Variants in TRPM3 observed in about 807,000 individuals in gnomAD.
The protein encoded by TRPM3 is long transient receptor potential channel 3.
A neutral mutation model predicts 181.2 loss-of-function variants in TRPM3; 77 were observed. The ratio of observed to expected loss-of-function variants is 0.42; its 90% CI spans 0.35 to 0.51. The LOEUF (loss-of-function observed/expected upper bound fraction) is 0.51, where lower values mean the gene tolerates loss of function less well. TRPM3 is among the 20% of genes least tolerant of loss of function. The probability of loss-of-function intolerance (pLI) is 0.01; values close to 1 mark genes in which losing one functional copy is unlikely to be tolerated. For synonymous variants in TRPM3, 745 were observed against 796.4 expected, an observed-to-expected ratio of 0.94 and a Z score of 1.09; for missense variants, 1,759 against 2,196.7, an observed-to-expected ratio of 0.80 and a Z score of 3.98.
chr9:70,619,587 A>T (rs1294590842), intron 16 of TRPM3, among the ~76,000 whole-genome samples: 5 of 146,306 alleles, frequency 3.4e-5, no homozygotes, highest in Non-Finnish European at 6.0e-5. Flanking sequence ...CTAATTTTTA[A>T]TTTTTTTTTT....
chr9:71,260,863 A>T (rs1024368428), intron 1 of TRPM3, among the ~76,000 whole-genome samples: 2 of 152,170 alleles, frequency 1.3e-5, no homozygotes, highest in African/African-American at 4.8e-5. Context: ...CTATTTGAAT[A>T]CCTTTTATCT....
At chr9:70,609,780 T>C (rs1442593754) in intron 19 of TRPM3, among the ~76,000 whole-genome samples, 2 of 152,236 alleles carry the variant, frequency 1.3e-5, no homozygotes, top group Non-Finnish European at 2.9e-5. Flanking sequence ...ATCCTGTTGC[T>C]GACTCAAATG....
At position 70,625,085 on chromosome 9, in the gene TRPM3, C is replaced by A. The variant is rs1211569691; in HGVS notation, c.1809+106G>T. 1.6e-6 allele frequency: 2 copies of A among 1,272,992 alleles called. No individual in the cohort carries two copies. Among genetic ancestry groups the A allele is most frequent in the Admixed American group, 5.2e-5 (2 of 38,782 alleles). The allele number at this position is 1,272,992 out of a possible 1,614,324, so 78.9% of individuals were successfully genotyped here. ...TTTGATTGTTTAGGTTCACTCTCAG[C>A]GCAATTTTCTGATTTTAATTCCCCT... On this transcript the variant is annotated intron_variant, in intron 14 of 25. Transcript: ENST00000677713. This position sits in a 1 kb window ranked among gnomAD's most constrained non-coding sequence, Gnocchi z 4.8.
intron 1 of TRPM3, among the ~76,000 whole-genome samples, chr9:71,418,945 T>C (rs2093684768): frequency 6.7e-6 from 1 of 149,086 alleles, no homozygotes; most frequent in African/African-American, 2.5e-5. Flanking sequence ...TATATATGTA[T>C]TATATATACA....
At chr9:70,880,330 T>C (rs965843549) in intron 1 of TRPM3, among the ~76,000 whole-genome samples, 11 of 152,112 alleles carry the variant, frequency 7.2e-5, no homozygotes, top group African/African-American at 2.7e-4. Context: ...TTCCCTTTGC[T>C]CAAGATTTTT....
intron 1 of TRPM3, among the ~76,000 whole-genome samples, chr9:70,998,156 C>CACAT (rs1258019396): frequency 1.8e-4 from 5 of 27,200 alleles, no homozygotes; most frequent in East Asian, 1.1e-3. Flanking sequence ...TATATATATA[C>CACAT]ATATATACAT....
intron 1 of TRPM3, among the ~76,000 whole-genome samples, chr9:70,898,059 T>G (rs1472587993): frequency 2.0e-5 from 3 of 151,916 alleles, no homozygotes; most frequent in Non-Finnish European, 4.4e-5. Context: ...ATTAGGACGG[T>G]CTTTATGTTG....
chr9:71,026,385 C>T (rs1261652421), intron 1 of TRPM3, among the ~76,000 whole-genome samples: 3 of 152,148 alleles, frequency 2.0e-5, no homozygotes, highest in Admixed American at 2.0e-4. Flanking sequence ...GCTGGCAGAC[C>T]ATGCTTGACC....
intron 5 of TRPM3, among the ~76,000 whole-genome samples, chr9:70,839,462 G>A (rs1290214589): frequency 6.6e-6 from 1 of 152,154 alleles, no homozygotes; most frequent in African/African-American, 2.4e-5. Context: ...AAGATGAATA[G>A]CAATTGCTGC....
At chr9:71,346,612 C>T (rs572613211) in intron 1 of TRPM3, among the ~76,000 whole-genome samples, 4 of 152,078 alleles carry the variant, frequency 2.6e-5, no homozygotes, top group Non-Finnish European at 4.4e-5. Context: ...AAAGAGGTTC[C>T]ATTGGCCAAG....
intron 1 of TRPM3, among the ~76,000 whole-genome samples, chr9:71,360,662 GA>G (rs1380285209): frequency 6.6e-6 from 1 of 152,192 alleles, no homozygotes; most frequent in Non-Finnish European, 1.5e-5. Flanking sequence ...CCAGCTCTTA[GA>G]GGCAGTCTCT....
chr9:71,168,039 A>G (rs1231673175), intron 1 of TRPM3, among the ~76,000 whole-genome samples: 1 of 152,200 alleles, frequency 6.6e-6, no homozygotes, highest in Non-Finnish European at 1.5e-5. Flanking sequence ...TCTTAGAGAG[A>G]ATACAAAATG....
At chr9:70,912,538 G>T (rs976219047) in intron 1 of TRPM3, among the ~76,000 whole-genome samples, 3 of 152,176 alleles carry the variant, frequency 2.0e-5, no homozygotes, top group Non-Finnish European at 4.4e-5. Flanking sequence ...AGTGCTGATA[G>T]TAGATAAGGA....
intron 1 of TRPM3, among the ~76,000 whole-genome samples, chr9:70,879,606 T>C (rs2095945026): frequency 6.6e-6 from 1 of 152,006 alleles, no homozygotes; most frequent in Admixed American, 6.6e-5. Context: ...TTTCAACCCC[T>C]TCCCCACCCC....
intron 3 of TRPM3, among the ~76,000 whole-genome samples, chr9:70,849,055 T>C (rs2095113094): frequency 6.6e-6 from 1 of 151,040 alleles, no homozygotes; most frequent in African/African-American, 2.4e-5. Flanking sequence ...CTTTTAAAAA[T>C]GAGAGCAGAT....
chr9:70,812,187 A>G (rs1429705976), intron 6 of TRPM3, among the ~76,000 whole-genome samples: 1 of 152,172 alleles, frequency 6.6e-6, no homozygotes, highest in Non-Finnish European at 1.5e-5. Flanking sequence ...CAAATCCTCA[A>G]GTTAGATCTC....
chr9:71,167,060 C>A (rs559749824), intron 1 of TRPM3, among the ~76,000 whole-genome samples: 1 of 151,936 alleles, frequency 6.6e-6, no homozygotes, highest in Admixed American at 6.6e-5. Flanking sequence ...TGTACAAAAA[C>A]AAACAGAAAA....
Position 70,779,551 on chromosome 9 carries a change from G to A in TRPM3, c.1148+4554C>T, listed in dbSNP as rs191539379. Among the ~76,000 whole-genome samples the A allele has an allele frequency of 2.2e-4, 33 of 152,120 alleles. No individual in the cohort carries two copies. The Middle Eastern group carries it at 0.01, about 47-fold the overall frequency. On this transcript the variant is annotated intron_variant, in intron 7 of 25. Transcript: ENST00000677713. Reference sequence around the variant, plus strand: ...ACATTTCTCTGCAGTCTGACACTTCGGTTGAGCATTATCAGGCAAAGTAAT... The same window carrying A: ...ACATTTCTCTGCAGTCTGACACTTCAGTTGAGCATTATCAGGCAAAGTAAT...
chr9:70,609,086 A>C (rs1287785695), intron 19 of TRPM3, among the ~76,000 whole-genome samples: 2 of 152,242 alleles, frequency 1.3e-5, no homozygotes, highest in African/African-American at 4.8e-5. Flanking sequence ...AGTGCTTTAC[A>C]TGTTTTAACA....
Sources: gnomAD v4.1 joint callset for allele counts (sites outside exome capture counted in the v4.1 genomes callset) on GRCh38, gnomAD v4.1.1 for gene constraint, Gnocchi (gnomAD v3.1) non-coding constraint, MANE v1.5 for transcripts, NCBI Gene and HGNC (gene_info 2026-07-23, HGNC 2026-07-21) for gene names.